The following SELP variants were observed in gnomAD, a reference collection of about 807,000 sequenced individuals.
SELP encodes P-selectin.
Under a neutral mutation model 104.1 loss-of-function variants are expected in SELP, and 92 were observed. The observed-to-expected ratio is 0.88, with a 90% CI of 0.75 to 1.05. The LOEUF is 1.05. Ranked by LOEUF, SELP falls within the 50% of genes least tolerant of loss-of-function variation. The probability of loss-of-function intolerance (pLI) is 0.00; values close to 1 mark genes in which losing one functional copy is unlikely to be tolerated. For synonymous variants in SELP, 397 were observed against 364.5 expected, an observed-to-expected ratio of 1.09 and a Z score of -1.01; for missense variants, 1,022 against 1,017.3, an observed-to-expected ratio of 1.00 and a Z score of -0.06.
chr1:169,607,201 T>A, intron 8 of SELP, 67 bp from the exon 9 acceptor site: 1 of 1,305,818 alleles, frequency 7.7e-7, no homozygotes, highest in East Asian at 2.6e-5. Flanking sequence ...TTTTGACCAT[T>A]AACTCTTTCT....
rs780790962 is a variant in SELP at position 169,596,965 on chromosome 1, C to A, written c.1891+26G>T. 11 of 1,544,016 alleles carry A rather than the reference C, an allele frequency of 7.1e-6. No homozygotes were observed. In the South Asian group the frequency reaches 1.2e-4, roughly 17 times the overall value. On this transcript the variant is annotated intron_variant, in intron 11 of 16. Coordinates refer to ENST00000263686, the MANE Select transcript of SELP (RefSeq NM_003005.4). ...GTAGAATAAATTTCCAAAAGTAGAACTGTCTTAGCAAGTACATATTATTAC... is the reference window on the plus strand; with the variant it reads ...GTAGAATAAATTTCCAAAAGTAGAAATGTCTTAGCAAGTACATATTATTAC...
At chr1:169,611,731 A>C in intron 6 of SELP, 54 bp from the exon 7 acceptor site, 1 of 1,537,006 alleles carries the variant, frequency 6.5e-7, no homozygotes, top group Admixed American at 1.8e-5. Flanking sequence ...GAGAAAAGCC[A>C]CACAGAGAGC....
chr1:169,606,848 A>G, intron 9 of SELP, 101 bp downstream of exon 9: 1 of 1,091,518 alleles, frequency 9.2e-7, no homozygotes, highest in Non-Finnish European at 1.3e-6. Context: ...TTTCCAGTCC[A>G]TTTCAAGGTG....
chr1:169,589,597 T>C (rs1661244589), intron 16 of SELP, 136 bp from the exon 17 acceptor site: 1 of 152,200 alleles, frequency 6.6e-6, no homozygotes, highest in Non-Finnish European at 1.5e-5. Flanking sequence ...TTTAAATAAT[T>C]ATCATTTCCT....
At chr1:169,596,200 C>T in intron 11 of SELP, 66 bp from the exon 12 acceptor site, 6 of 1,429,326 alleles carry the variant, frequency 4.2e-6, no homozygotes, top group Non-Finnish European at 5.9e-6. Context: ...AGAGTTAAGG[C>T]TAATCTGGAA....
At chr1:169,624,211 G>T (rs1308593093) in intron 1 of SELP, among the ~76,000 whole-genome samples, 1 of 152,152 alleles carries the variant, frequency 6.6e-6, no homozygotes, top group African/African-American at 2.4e-5. Flanking sequence ...TCTCATACCT[G>T]CTCCTACTCT....
At chr1:169,613,176 G>T in intron 4 of SELP, 62 bp from the exon 5 acceptor site, 1 of 1,434,372 alleles carries the variant, frequency 7.0e-7, no homozygotes, top group Non-Finnish European at 9.4e-7. Context: ...TGTCATGTTT[G>T]CTGAAAGCTG....
rs1662233323 is a variant in SELP, at chr1:169,606,948, C to A, written c.1519+1G>T. 6.2e-7 allele frequency: 1 copy of A among 1,612,320 alleles called. No homozygotes were observed. The highest frequency in any genetic ancestry group is 2.2e-5 in the East Asian group (1 of 44,846). On this transcript the variant is annotated splice_donor_variant, in intron 9 of 16. Coordinates refer to ENST00000263686, the MANE Select transcript of SELP (RefSeq NM_003005.4). LOFTEE classifies it high-confidence loss of function. The stretch of plus-strand genomic sequence containing the variant: ...TGATGTTAGAAAGAATACACTCTTA[C>A]CTTGGCATTCTGGAGGAACAGAATT...
chr1:169,602,979 C>T (rs368249732), intron 10 of SELP, 47 bp downstream of exon 10: 1 of 1,488,006 alleles, frequency 6.7e-7, no homozygotes, highest in African/African-American at 1.4e-5. Context: ...TCTCCATTCT[C>T]TGATGTCATC....
Position 169,607,115 on chromosome 1 carries a change from G to A in SELP, c.1353C>T (p.Leu451=), listed in dbSNP as rs772717751. ...TCACCCGGGCCTCATTTGGAACTGG[G>A]AGATCCTGGCACTGCAAAGCTAAGG... The part of the protein sequence containing the change: ...PVCQALQCQD[L]PVPNEARVNC... Residue 451 remains leucine (L), a synonymous_variant, in exon 9 of 17, where the codon CTC becomes CTT. Transcript: ENST00000263686. The A allele has an allele frequency of 2.5e-6, 4 of 1,602,278 alleles. No individual in the cohort carries two copies. Among genetic ancestry groups the A allele is most frequent in the East Asian group, 2.2e-5 (1 of 44,458 alleles).
chr1:169,610,275 G>T (rs1056613607), intron 7 of SELP, among the ~76,000 whole-genome samples: 2 of 152,088 alleles, frequency 1.3e-5, no homozygotes, highest in Non-Finnish European at 2.9e-5. Flanking sequence ...TAGAACACAG[G>T]ATGTCATCCT....
At chr1:169,596,457 G>T (rs1453361896) in intron 11 of SELP, among the ~76,000 whole-genome samples, 1 of 152,184 alleles carries the variant, frequency 6.6e-6, no homozygotes, top group Non-Finnish European at 1.5e-5. Context: ...ATATACATGG[G>T]CCAACTGCCT....
At chr1:169,605,221 A>C (rs1012429984) in intron 9 of SELP, among the ~76,000 whole-genome samples, 2 of 152,140 alleles carry the variant, frequency 1.3e-5, no homozygotes, top group African/African-American at 4.8e-5. Context: ...ACTTCCCCAA[A>C]GTTGTGTGGA....
chr1:169,603,989 T>C (rs1031821329), intron 9 of SELP, among the ~76,000 whole-genome samples: 1 of 152,214 alleles, frequency 6.6e-6, no homozygotes, highest in African/African-American at 2.4e-5. Flanking sequence ...CTAGGTCAAA[T>C]GGCATTTCTA....
At chr1:169,628,362 C>T (rs1360053639) in intron 1 of SELP, among the ~76,000 whole-genome samples, 1 of 152,238 alleles carries the variant, frequency 6.6e-6, no homozygotes. Context: ...GAACTTGAAG[C>T]AAAATTTACA....
At chr1:169,608,092 C>G (rs1265507604) in intron 8 of SELP, among the ~76,000 whole-genome samples, 1 of 151,598 alleles carries the variant, frequency 6.6e-6, no homozygotes, top group Non-Finnish European at 1.5e-5. Flanking sequence ...ATAACTCAGA[C>G]TAAGTGTCAG....
At chr1:169,627,525 G>C (rs1460826064) in intron 1 of SELP, among the ~76,000 whole-genome samples, 1 of 152,166 alleles carries the variant, frequency 6.6e-6, no homozygotes, top group Non-Finnish European at 1.5e-5. Flanking sequence ...CTCTGTATTT[G>C]ACTTCATGAA....
chr1:169,602,882 G>A, intron 10 of SELP, 144 bp downstream of exon 10: 1 of 546,004 alleles, frequency 1.8e-6, no homozygotes. Flanking sequence ...TTAAAGAGAG[G>A]GAGAACTTTT....
At chr1:169,627,927 G>T (rs1663457687) in intron 1 of SELP, among the ~76,000 whole-genome samples, 1 of 152,106 alleles carries the variant, frequency 6.6e-6, no homozygotes, top group Admixed American at 6.6e-5. Flanking sequence ...GACAAGTCTT[G>T]CTCTGTCACC....
Sources: allele counts gnomAD v4.1 joint callset (sites outside exome capture counted in the v4.1 genomes callset), GRCh38; gene constraint gnomAD v4.1.1; transcripts MANE v1.5; gene names NCBI Gene and HGNC (gene_info 2026-07-23, HGNC 2026-07-21).